The following PC variants were observed in gnomAD, a reference collection of about 807,000 sequenced individuals.
PC encodes pyruvate carboxylase.
In PC, 46 loss-of-function variants were observed where a neutral mutation model predicts 107.8. The ratio of observed to expected loss-of-function variants is 0.43; its 90% CI spans 0.34 to 0.55. The LOEUF is 0.55. Ranked by LOEUF, PC falls within the 20% of genes least tolerant of loss-of-function variation. The pLI is 0.04. For synonymous variants in PC, 662 were observed against 684.7 expected, an observed-to-expected ratio of 0.97 and a Z score of 0.52; for missense variants, 1,241 against 1,643.1, an observed-to-expected ratio of 0.76 and a Z score of 4.23.
At chr11:66,904,780 G>A (rs1323884844) in intron 3 of PC, among the ~76,000 whole-genome samples, 1 of 152,268 alleles carries the variant, frequency 6.6e-6, no homozygotes, top group Non-Finnish European at 1.5e-5. Context: ...CTGTGATTCT[G>A]TGGGAAGGGA....
chr11:66,927,116 T>G (rs1000895316), intron 3 of PC, among the ~76,000 whole-genome samples: 3 of 145,866 alleles, frequency 2.1e-5, no homozygotes, highest in South Asian at 2.4e-4. Flanking sequence ...CTCAGTCTCC[T>G]GAGTAGCTGG....
chr11:66,912,866 A>C (rs1238468772), intron 3 of PC, among the ~76,000 whole-genome samples: 1 of 152,090 alleles, frequency 6.6e-6, no homozygotes, highest in Non-Finnish European at 1.5e-5. Flanking sequence ...TTCCCACCAC[A>C]TTCCCTTCCT....
intron 1 of PC, among the ~76,000 whole-genome samples, chr11:66,956,714 C>G (rs79002627): frequency 2.0e-5 from 3 of 152,224 alleles, no homozygotes; most frequent in African/African-American, 7.2e-5. Context: ...ACCTCCTCCA[C>G]GAAGCCTTCC....
chr11:66,850,761 C>A lies in PC; in HGVS notation c.2386G>T (p.Val796Leu). 2 of 1,611,430 alleles carry A rather than the reference C, an allele frequency of 1.2e-6. No individual in the cohort carries two copies. Among genetic ancestry groups the A allele is most frequent in the Non-Finnish European group, 1.7e-6 (2 of 1,179,952 alleles). The change falls in exon 18 of 23, where the codon GTG becomes TTG. Residue 796 changes from valine to leucine, a missense_variant. Physicochemically the swap from Val to Leu is conservative, Grantham distance 32 (BLOSUM62 1). Transcript: ENST00000393960. ...CAQAGADVVD[V>L]AADSMSGMTS... The stretch of plus-strand genomic sequence containing the variant: ...ATCCCAGACATGGAATCAGCTGCCA[C>A]ATCCACCACATCAGCTCCAGCCTGG...
At chr11:66,907,856 C>T (rs528592718) in intron 3 of PC, 1 of 152,494 alleles carries the variant, frequency 6.6e-6, no homozygotes, top group Non-Finnish European at 1.5e-5. Flanking sequence ...AGAGAGGCCA[C>T]ACTGTTCCTG....
chr11:66,941,801 C>T (rs906557548), intron 3 of PC, among the ~76,000 whole-genome samples: 1 of 151,830 alleles, frequency 6.6e-6, no homozygotes, highest in Non-Finnish European at 1.5e-5. Context: ...CCCCATCATT[C>T]AGCCTTAAAA....
intron 12 of PC, 151 bp from the exon 13 acceptor site, chr11:66,853,534 CAGCCCT>C: frequency 1.1e-6 from 1 of 899,460 alleles, no homozygotes; most frequent in Non-Finnish European, 1.8e-6. Flanking sequence ...CCCCGTCCCT[CAGCCCT>C]CTCCTCACTC....
intron 3 of PC, among the ~76,000 whole-genome samples, chr11:66,900,454 A>G (rs1369411733): frequency 1.3e-5 from 2 of 151,894 alleles, no homozygotes; most frequent in East Asian, 1.9e-4. Context: ...GAGCCACTGC[A>G]CCCAGCCTGT....
intron 3 of PC, among the ~76,000 whole-genome samples, chr11:66,924,199 C>G (rs1948659574): frequency 7.2e-6 from 1 of 138,886 alleles, no homozygotes; most frequent in East Asian, 2.1e-4. Flanking sequence ...AAGACTCTAT[C>G]TCAGAAAAAA....
chr11:66,922,321 T>C (rs1948614296), intron 3 of PC, among the ~76,000 whole-genome samples: 1 of 151,910 alleles, frequency 6.6e-6, no homozygotes, highest in Non-Finnish European at 1.5e-5. Context: ...AGACCTGTAA[T>C]CCCAACACTT....
At chr11:66,939,788 G>C (rs1481740131) in intron 3 of PC, among the ~76,000 whole-genome samples, 6 of 77,070 alleles carry the variant, frequency 7.8e-5, no homozygotes, top group African/African-American at 3.2e-4. Context: ...TGGGCAACAA[G>C]AGCAAAACTC....
chr11:66,923,833 TA>T (rs1283918761), intron 3 of PC, among the ~76,000 whole-genome samples: 1 of 133,570 alleles, frequency 7.5e-6, no homozygotes, highest in Admixed American at 8.7e-5. Context: ...ACAAAGGGTT[TA>T]AAAGGTCACA....
chr11:66,904,280 G>A (rs1372233496), intron 3 of PC, among the ~76,000 whole-genome samples: 1 of 151,872 alleles, frequency 6.6e-6, no homozygotes, highest in Non-Finnish European at 1.5e-5. Flanking sequence ...TCTGGTTCAT[G>A]GCCCCAGAGC....
rs376872547 is a variant in PC at position 66,850,649 on chromosome 11, G to A, written c.2473+25C>T. ...GTGGCTGCGGCTTTGAGAGGGGTGT[G>A]GCCACGGGCTGCTGTTCTTCCTACC... On this transcript the variant is annotated intron_variant, in intron 18 of 22. Transcript: ENST00000393960. The A allele has an allele frequency of 1.8e-5, 29 of 1,604,968 alleles. No homozygotes were observed. In the African/African-American group the frequency reaches 3.6e-4, roughly 20 times the overall value.
chr11:66,853,485 G>T, intron 12 of PC, 102 bp from the exon 13 acceptor site: 1 of 1,378,544 alleles, frequency 7.3e-7, no homozygotes, highest in Non-Finnish European at 1.0e-6. Flanking sequence ...GCTGCCCTGG[G>T]CCAGCACAGC....
Position 66,849,917 on chromosome 11 carries a change from C to T in PC, c.2898+20G>A, listed in dbSNP as rs144273133. ...CCTGCATCCAGCCCCCACCCTCACA[C>T]CATGCTGGGCCTTCCCTACCTTAGA... On this transcript the variant is annotated intron_variant, in intron 20 of 22. Coordinates refer to ENST00000393960, the MANE Select transcript of PC (RefSeq NM_001040716.2). The T allele has an allele frequency of 6.9e-5, 112 of 1,613,610 alleles. 1 individual carries two copies. In the African/African-American group the frequency reaches 1.0e-3, roughly 15 times the overall value.
At position 66,851,899 on chromosome 11, in the gene PC, G is replaced by A. The variant is rs769250651; in HGVS notation, c.1873C>T (p.Arg625Trp). ...AMRFLYECPW[R>W]RLQELRELIP... Reference sequence around the variant, plus strand: ...AGCTCCCGGAGCTCCTGCAGCCGCCGCCAGGGGCACTCATACAGGAAGCGC... The same window carrying A: ...AGCTCCCGGAGCTCCTGCAGCCGCCACCAGGGGCACTCATACAGGAAGCGC... The change falls in exon 16 of 23, where the codon CGG (arginine) becomes TGG (tryptophan). Residue 625 changes from arginine (R) to tryptophan (W), a missense_variant. By Grantham distance (101) the Arg-to-Trp change is moderately radical. This residue lies in a region of PC where 1,143 missense variants were observed against 1,551.9 expected (regional missense o/e 0.74). Transcript: ENST00000393960. 2.5e-6 allele frequency: 4 copies of A among 1,614,066 alleles called. No homozygotes were observed. The highest frequency in any genetic ancestry group is 3.4e-6 in the Non-Finnish European group (4 of 1,180,000).
At chr11:66,948,012 A>AAGAT (rs57087967) in intron 3 of PC, among the ~76,000 whole-genome samples, 19,006 of 134,500 alleles carry the variant, frequency 0.14, 1,437 homozygotes, top group Admixed American at 0.21. Context: ...ATCTCTACTA[A>AAGAT]AGATAGATAG....
intron 3 of PC, among the ~76,000 whole-genome samples, chr11:66,919,476 G>A (rs1948543455): frequency 6.6e-6 from 1 of 152,206 alleles, no homozygotes; most frequent in South Asian, 2.1e-4. Flanking sequence ...AGAGCCCTGG[G>A]TGGGGCCTGT....
Sources: allele counts gnomAD v4.1 joint callset (sites outside exome capture counted in the v4.1 genomes callset), GRCh38; gene constraint gnomAD v4.1.1; regional missense constraint gnomAD v4.1.1; transcripts MANE v1.5; gene names NCBI Gene and HGNC (gene_info 2026-07-23, HGNC 2026-07-21).